FAT3: variants seen among roughly 807,000 people sequenced by gnomAD.
FAT3 encodes the protein protocadherin Fat 3.
A neutral mutation model predicts 310.2 loss-of-function variants in FAT3; 95 were observed. The ratio of observed to expected loss-of-function variants is 0.31; its 90% CI spans 0.26 to 0.36. FAT3 has a LOEUF of 0.36. Among genes scored for constraint, FAT3 ranks in the 10% least tolerant of loss-of-function variants. The pLI is 1.00. For missense variants in FAT3, 5,408 were observed against 5,715.6 expected (o/e 0.95, Z 1.74); for synonymous variants, 2,314 against 2,192.9 (o/e 1.06, Z -1.54).
chr11:92,830,691 T>G (rs1195272946), intron 13 of FAT3, among the ~76,000 whole-genome samples: 1 of 152,134 alleles, frequency 6.6e-6, no homozygotes, highest in Non-Finnish European at 1.5e-5. Context: ...GAATAGGGCT[T>G]CTGCATTCAA....
chr11:92,532,644 G>A (rs1286468419), intron 3 of FAT3, among the ~76,000 whole-genome samples: 1 of 152,092 alleles, frequency 6.6e-6, no homozygotes, highest in Non-Finnish European at 1.5e-5. Flanking sequence ...AATATTTGGA[G>A]AGGATTTGGC....
chr11:92,889,078 G>A (rs73560556), intron 25 of FAT3, 111 bp from the exon 26 acceptor site: 24 of 544,426 alleles, frequency 4.4e-5, no homozygotes, highest in Non-Finnish European at 6.0e-5. Flanking sequence ...TTTGCATGCC[G>A]CACCTTCATT....
At chr11:92,254,268 G>T (rs1865232467) in intron 1 of FAT3, among the ~76,000 whole-genome samples, 1 of 152,224 alleles carries the variant, frequency 6.6e-6, no homozygotes, top group Non-Finnish European at 1.5e-5. Context: ...CCCAAATATG[G>T]ACAATGAGAC....
chr11:92,870,711 C>T (rs999131738), intron 22 of FAT3, among the ~76,000 whole-genome samples: 1 of 152,136 alleles, frequency 6.6e-6, no homozygotes, highest in Admixed American at 6.5e-5. Flanking sequence ...GTCACCATGC[C>T]ATAAATAGTC....
intron 1 of FAT3, among the ~76,000 whole-genome samples, chr11:92,312,395 T>C (rs1424517419): frequency 1.3e-5 from 2 of 152,226 alleles, no homozygotes; most frequent in Admixed American, 1.3e-4. Context: ...TCCCTCCCTC[T>C]ATTCTTCCTA....
rs771575285 is a variant in FAT3 at position 92,353,151 on chromosome 11, G to A, written c.1039G>A (p.Ala347Thr). 5.0e-6 allele frequency: 8 copies of A among 1,613,584 alleles called. No homozygotes were observed. Among genetic ancestry groups the A allele is most frequent in the Non-Finnish European group, 1.7e-6 (2 of 1,179,814 alleles). The change falls in exon 2 of 28, where the codon GCA (alanine) becomes ACA (threonine). Residue 347 changes from alanine to threonine, a missense_variant. By Grantham distance (58) the Ala-to-Thr change is moderately conservative (BLOSUM62 0). Transcript: ENST00000525166. ...FPYGYNLTLQ[A>T]KDKGSPQKCS... ...CTATGGCTACAATCTCACTCTTCAA[G>A]CAAAAGACAAGGGATCTCCTCAAAA...
chr11:92,440,537 G>A (rs907639983), intron 2 of FAT3, among the ~76,000 whole-genome samples: 2 of 152,112 alleles, frequency 1.3e-5, no homozygotes, highest in African/African-American at 4.8e-5. Flanking sequence ...CTCATATGTG[G>A]CGTACATAGT....
intron 1 of FAT3, among the ~76,000 whole-genome samples, chr11:92,342,617 G>A (rs1948293262): frequency 6.6e-6 from 1 of 151,986 alleles, no homozygotes; most frequent in African/African-American, 2.4e-5. Context: ...CCCGACTATT[G>A]GAATTAACAC....
At chr11:92,662,314 A>C (rs981125135) in intron 3 of FAT3, among the ~76,000 whole-genome samples, 1 of 152,178 alleles carries the variant, frequency 6.6e-6, no homozygotes, top group African/African-American at 2.4e-5. Flanking sequence ...GCATTTTCCT[A>C]CTTGTTTCTG....
At chr11:92,874,609 G>C (rs145826797) in intron 22 of FAT3, among the ~76,000 whole-genome samples, 2,017 of 152,260 alleles carry the variant, frequency 0.013, 55 homozygotes, top group African/African-American at 0.045. Context: ...GCGTGATCTC[G>C]GCTCACCACA....
intron 4 of FAT3, among the ~76,000 whole-genome samples, chr11:92,755,299 T>C (rs1945959349): frequency 6.6e-6 from 1 of 152,288 alleles, no homozygotes; most frequent in Non-Finnish European, 1.5e-5. Flanking sequence ...CTTGGCTCAC[T>C]GCAACCACTG....
At chr11:92,460,652 A>G (rs1265404656) in intron 2 of FAT3, among the ~76,000 whole-genome samples, 2 of 152,214 alleles carry the variant, frequency 1.3e-5, no homozygotes, top group African/African-American at 4.8e-5. Flanking sequence ...CAAAGCCACC[A>G]TTGCTTGTAA....
chr11:92,391,292 G>C (rs562369314), intron 2 of FAT3, among the ~76,000 whole-genome samples: 42 of 152,266 alleles, frequency 2.8e-4, no homozygotes, highest in African/African-American at 1.0e-3. Context: ...CGAAGACCCA[G>C]ATGTGTTCCT....
chr11:92,781,328 C>T (rs1015811761), intron 7 of FAT3, among the ~76,000 whole-genome samples: 1 of 151,238 alleles, frequency 6.6e-6, no homozygotes, highest in African/African-American at 2.4e-5. Flanking sequence ...AGTGATCCAC[C>T]CGCCTTGGCC....
At chr11:92,565,031 A>T (rs1296956251) in intron 3 of FAT3, among the ~76,000 whole-genome samples, 1 of 145,516 alleles carries the variant, frequency 6.9e-6, no homozygotes, top group Non-Finnish European at 1.5e-5. Flanking sequence ...AGAAATAACT[A>T]AAATCAGAGC....
At chr11:92,400,651 A>G (rs1303300645) in intron 2 of FAT3, 2 of 152,042 alleles carry the variant, frequency 1.3e-5, no homozygotes, top group Non-Finnish European at 1.5e-5. Context: ...TTTTCTCCAA[A>G]GAAACAGACA....
At chr11:92,458,538 T>G (rs1325043829) in intron 2 of FAT3, among the ~76,000 whole-genome samples, 1 of 152,208 alleles carries the variant, frequency 6.6e-6, no homozygotes, top group Non-Finnish European at 1.5e-5. Context: ...AAACCCAGTG[T>G]TCTTATCTGC....
chr11:92,435,990 A>G (rs959825610), intron 2 of FAT3, among the ~76,000 whole-genome samples: 1 of 152,200 alleles, frequency 6.6e-6, no homozygotes, highest in Admixed American at 6.5e-5. Context: ...TTACTAACAT[A>G]TATACACATG....
intron 2 of FAT3, chr11:92,366,744 C>T (rs187939804): frequency 5.1e-4 from 272 of 535,172 alleles, no homozygotes; most frequent in Non-Finnish European, 6.1e-4. Flanking sequence ...GGAGCTATTT[C>T]TTCATTCCAA....
Sources: gnomAD v4.1 joint callset for allele counts (sites outside exome capture counted in the v4.1 genomes callset) on GRCh38, gnomAD v4.1.1 for gene constraint, MANE v1.5 for transcripts, NCBI Gene and HGNC (gene_info 2026-07-23, HGNC 2026-07-21) for gene names.